Variants in ZNF581 observed in about 807,000 individuals in gnomAD.
ZNF581 encodes the protein zinc finger protein 581.
ZNF581 carries 1 observed loss-of-function variant against 1.2 expected under a neutral mutation model. The ratio of observed to expected loss-of-function variants is 0.83; its 90% confidence interval spans 0.30 to 3.95. The LOEUF is 3.95. ZNF581 is among the 30% of genes most tolerant of loss of function. ZNF581 has a pLI of 0.18. For missense variants in ZNF581, 273 were observed against 274.6 expected, an observed-to-expected ratio of 0.99 and a Z score of 0.04; for synonymous variants, 105 against 109.2, an observed-to-expected ratio of 0.96 and a Z score of 0.24.
upstream of ZNF581, chr19:55,642,047 G>T: frequency 1.0e-6 from 1 of 986,204 alleles, no homozygotes; most frequent in Non-Finnish European, 1.2e-6. Context: ...GCAAAGGGAG[G>T]GGAAGTAAAC....
At chr19:55,643,195 C>A (rs760740711), upstream of ZNF581, 12 of 1,167,856 alleles carry the variant, frequency 1.0e-5, no homozygotes, top group African/African-American at 1.6e-5. Context: ...CCTTCCTTAC[C>A]CCCTTTCTAG....
upstream of ZNF581, chr19:55,643,110 C>T (rs1982634118): frequency 1.5e-6 from 2 of 1,305,626 alleles, no homozygotes; most frequent in Non-Finnish European, 2.0e-6. Flanking sequence ...CCCACACACA[C>T]CCCCTGGCTC....
At chr19:55,637,953 G>C (rs567717591), upstream of ZNF581, among the ~76,000 whole-genome samples, 14 of 152,290 alleles carry the variant, frequency 9.2e-5, no homozygotes, top group Non-Finnish European at 1.5e-4. Context: ...GGGGGTGGGG[G>C]TTGTGGCCAC....
upstream of ZNF581, chr19:55,640,273 G>A: frequency 5.1e-6 from 5 of 985,478 alleles, no homozygotes; most frequent in Non-Finnish European, 6.0e-6. Context: ...TTCGACGCCG[G>A]AGTCCTTCGC....
upstream of ZNF581, among the ~76,000 whole-genome samples, chr19:55,637,776 C>T (rs1036002788): frequency 1.3e-5 from 2 of 152,236 alleles, no homozygotes; most frequent in Non-Finnish European, 2.9e-5. Context: ...TCAGGCCAAT[C>T]ACACGATCTC....
upstream of ZNF581, chr19:55,641,111 G>A: frequency 1.0e-6 from 1 of 985,400 alleles, no homozygotes; most frequent in Non-Finnish European, 1.2e-6. Flanking sequence ...CGCCGCCGGC[G>A]CTCGCCAGGG....
rs1982707388 is a variant in ZNF581 at position 55,644,063 on chromosome 19, A to G, written c.-20+289A>G. On this transcript the variant is annotated intron_variant, in intron 1 of 1. Transcript: ENST00000270451. This position sits in a 1 kb window ranked among gnomAD's most constrained non-coding sequence, Gnocchi z 4.3. ...GGTGGGAGCACGGAGTTGTTCAGAC[A>G]CGTGGCTGGAGAGAGGGCCGGAACC... Among the ~76,000 whole-genome samples, 1 of 152,190 alleles carries G rather than the reference A, an allele frequency of 6.6e-6. No individual in the cohort carries two copies. The highest frequency in any genetic ancestry group is 1.5e-5 in the Non-Finnish European group (1 of 68,026).
At position 55,645,431 on chromosome 19, in the gene ZNF581, C is replaced by T; in HGVS notation, c.*266C>T. 5.4e-6 allele frequency: 2 copies of T among 367,344 alleles called. No homozygotes were observed. The highest frequency in any genetic ancestry group is 1.0e-5 in the Non-Finnish European group (2 of 195,396). 22.8% of individuals were successfully genotyped at this position (367,344 alleles called of 1,614,324 possible). On this transcript the variant is annotated 3_prime_UTR_variant, in exon 2 of 2. Coordinates refer to ENST00000270451, the MANE Select transcript of ZNF581 (RefSeq NM_016535.4). ...GATATCAGCTGTTCCATGGCAGAGC[C>T]TTGACTGGATGGAGGTGGGGAGTGT... is the stretch of plus-strand genomic sequence containing the variant.
At chr19:55,642,751 G>GCC, upstream of ZNF581, 7 of 1,530,252 alleles carry the variant, frequency 4.6e-6, no homozygotes, top group Non-Finnish European at 6.1e-6. Flanking sequence ...AGCGCGAGGC[G>GCC]CCCCCAGGAG....
chr19:55,643,138 T>TAC (rs1367656994), upstream of ZNF581: 4 of 1,222,248 alleles, frequency 3.3e-6, no homozygotes, highest in East Asian at 1.3e-4. Context: ...GTTACTGCCT[T>TAC]ACCCTGGGCC....
upstream of ZNF581, chr19:55,642,545 T>C (rs753675666): frequency 6.9e-7 from 1 of 1,447,372 alleles, no homozygotes; most frequent in Non-Finnish European, 9.1e-7. Flanking sequence ...CCACCCTCGG[T>C]CCTCCTCTCC....
upstream of ZNF581, among the ~76,000 whole-genome samples, chr19:55,636,574 A>T (rs1009920260): frequency 4.6e-5 from 7 of 152,092 alleles, no homozygotes; most frequent in African/African-American, 1.7e-4. Context: ...TTCCTGAAAG[A>T]CCTTTGATAG....
upstream of ZNF581, among the ~76,000 whole-genome samples, chr19:55,636,720 C>T (rs552162388): frequency 1.2e-3 from 185 of 152,122 alleles, no homozygotes; most frequent in African/African-American, 4.3e-3. Flanking sequence ...AATGAACAGA[C>T]GGAGGACGCA....
rs200666690 is a variant in ZNF581 at position 55,644,674 on chromosome 19, C to G, written c.103C>G (p.Pro35Ala). Residue 35 changes from proline to alanine, a missense_variant, in exon 2 of 2, where the codon CCT (proline) becomes GCT (alanine). Physicochemically the swap from Pro to Ala is conservative, Grantham distance 27. Coordinates refer to ENST00000270451, the MANE Select transcript of ZNF581 (RefSeq NM_016535.4). This position sits in a 1 kb window ranked among gnomAD's most constrained non-coding sequence, Gnocchi z 4.3. ...GACTTGCCGCTCCCCAGAACCTGGA[C>G]CTTCCTCCTCCATCGGATCTCCCCA... ...RRTCRSPEPG[P>A]SSSIGSPQAS... is the part of the protein sequence containing the mutation. 1.2e-6 allele frequency: 2 copies of G among 1,613,094 alleles called. No homozygotes were observed. The highest frequency in any genetic ancestry group is 4.5e-5 in the East Asian group (2 of 44,842).
upstream of ZNF581, chr19:55,641,664 A>G (rs905512381): frequency 7.9e-5 from 12 of 151,218 alleles, no homozygotes; most frequent in African/African-American, 2.7e-4. Flanking sequence ...GTACAGAAAG[A>G]AGTAACGATG....
upstream of ZNF581, chr19:55,640,297 G>T (rs1982373488): frequency 1.0e-6 from 1 of 985,462 alleles, no homozygotes; most frequent in African/African-American, 1.7e-5. Flanking sequence ...CGCAGCCAGC[G>T]CCCGGGCCTC....
chr19:55,639,015 A>AG (rs987728940), upstream of ZNF581, among the ~76,000 whole-genome samples: 10 of 150,876 alleles, frequency 6.6e-5, no homozygotes, highest in Admixed American at 3.3e-4. Flanking sequence ...CCAAAAAAAA[A>AG]AAAAAAAAAG....
At chr19:55,642,308 G>A, upstream of ZNF581, 2 of 1,257,024 alleles carry the variant, frequency 1.6e-6, no homozygotes, top group Admixed American at 8.4e-5. Context: ...TCAGTTGGAG[G>A]CCCTCTCCGA....
chr19:55,639,552 T>C (rs1190329117), upstream of ZNF581, among the ~76,000 whole-genome samples: 1 of 152,196 alleles, frequency 6.6e-6, no homozygotes, highest in Non-Finnish European at 1.5e-5. Context: ...AGTTTACAAC[T>C]GGTTGACAGT....
Sources: gnomAD v4.1 joint callset for allele counts (sites outside exome capture counted in the v4.1 genomes callset) on GRCh38, gnomAD v4.1.1 for gene constraint, Gnocchi (gnomAD v3.1) non-coding constraint, MANE v1.5 for transcripts, NCBI Gene and HGNC (gene_info 2026-07-23, HGNC 2026-07-21) for gene names.